Variants in SULT2B1 observed in about 807,000 individuals in gnomAD.
SULT2B1 encodes sulfotransferase 2B1.
In SULT2B1, 16 loss-of-function variants were observed where a neutral mutation model predicts 33.2. The observed-to-expected ratio is 0.48, with a 90% CI of 0.33 to 0.73. The LOEUF (loss-of-function observed/expected upper bound fraction) is 0.73. Ranked by LOEUF, SULT2B1 falls within the 30% of genes least tolerant of loss-of-function variation. SULT2B1 has a pLI of 0.02. For missense variants in SULT2B1, 500 were observed against 506.0 expected (o/e 0.99, Z 0.11); for synonymous variants, 186 against 200.5 (o/e 0.93, Z 0.61).
At chr19:48,583,883 G>C (rs1363455740) in intron 2 of SULT2B1, among the ~76,000 whole-genome samples, 4 of 152,028 alleles carry the variant, frequency 2.6e-5, no homozygotes, top group Non-Finnish European at 5.9e-5. Flanking sequence ...GGAGGCTGAG[G>C]CAGGCAGATC....
chr19:48,576,216 C>A, intron 2 of SULT2B1, 133 bp downstream of exon 2: 1 of 749,630 alleles, frequency 1.3e-6, no homozygotes, highest in Non-Finnish European at 2.1e-6. Flanking sequence ...GTGCCCCTGC[C>A]AGAAGTAGCC....
At chr19:48,555,747 G>GT (rs368424505) in intron 1 of SULT2B1, among the ~76,000 whole-genome samples, 7,181 of 149,682 alleles carry the variant, frequency 0.048, 524 homozygotes, top group African/African-American at 0.16. Context: ...GCTAATTTTT[G>GT]TTTTTTTTTG....
At chr19:48,597,167 C>T (rs1291448969) in intron 6 of SULT2B1, among the ~76,000 whole-genome samples, 6 of 152,090 alleles carry the variant, frequency 3.9e-5, no homozygotes, top group Non-Finnish European at 8.8e-5. Flanking sequence ...ACTGCCAACG[C>T]CAGGTTTACC....
rs537889992 is a variant in SULT2B1 at position 48,558,482 on chromosome 19, C to T, written c.71+6159C>T. Among the ~76,000 whole-genome samples the T allele has an allele frequency of 1.2e-3, 178 of 152,164 alleles. 1 individual carries two copies. Among genetic ancestry groups the T allele is most frequent in the Admixed American group, 0.011 (167 of 15,260 alleles). On this transcript the variant is annotated intron_variant, in intron 1 of 6. Transcript: ENST00000201586. ...GAGAGCTGCGGTGGCCGCTCCTCCC[C>T]GCGCTCTGATCTCGGGAGTCCCTGG...
chr19:48,566,382 G>C (rs77159152), intron 1 of SULT2B1, among the ~76,000 whole-genome samples: 19,920 of 151,884 alleles, frequency 0.13, 1,423 homozygotes, highest in African/African-American at 0.16. Context: ...CCGCACCCAG[G>C]CTAAAGTGTG....
intron 2 of SULT2B1, among the ~76,000 whole-genome samples, chr19:48,582,519 G>C (rs2147617919): frequency 6.6e-6 from 1 of 152,224 alleles, no homozygotes; most frequent in African/African-American, 2.4e-5. Flanking sequence ...ATTTTGATAT[G>C]TAATGGCTAC....
At position 48,572,099 on chromosome 19, in the gene SULT2B1, T is replaced by G. The variant is rs75806763; in HGVS notation, c.72-3842T>G. 7.3e-3 allele frequency among the ~76,000 whole-genome samples: 1,107 copies of G among 152,238 alleles called. 15 individuals carry two copies. Among genetic ancestry groups the G allele is most frequent in the African/African-American group, 0.025 (1,027 of 41,538 alleles). On this transcript the variant is annotated intron_variant, in intron 1 of 6. Transcript: ENST00000201586. Reference sequence around the variant, plus strand: ...GTTTCTGTACGGGTGGCTCCCCTCCTGGTGCCAGGCCCTTTCCTGGGATTG... The same window carrying G: ...GTTTCTGTACGGGTGGCTCCCCTCCGGGTGCCAGGCCCTTTCCTGGGATTG...
intron 2 of SULT2B1, among the ~76,000 whole-genome samples, chr19:48,580,061 C>T (rs1267115372): frequency 4.7e-5 from 7 of 148,538 alleles, no homozygotes; most frequent in African/African-American, 7.5e-5. Context: ...GTAGCTGGGA[C>T]GACAAGTGCA....
chr19:48,562,666 T>G (rs10404801), intron 1 of SULT2B1, among the ~76,000 whole-genome samples: 11,245 of 152,112 alleles, frequency 0.074, 1,329 homozygotes, highest in African/African-American at 0.25. Context: ...TATGCAATAT[T>G]TATATAGACT....
chr19:48,588,392 A>G (rs1973594853), intron 3 of SULT2B1, among the ~76,000 whole-genome samples: 1 of 151,482 alleles, frequency 6.6e-6, no homozygotes, highest in Non-Finnish European at 1.5e-5. Context: ...CATGCCTGTA[A>G]TCCCAGCTAC....
At chr19:48,566,373 C>T (rs959128953) in intron 1 of SULT2B1, among the ~76,000 whole-genome samples, 6 of 152,066 alleles carry the variant, frequency 3.9e-5, no homozygotes, top group Admixed American at 1.3e-4. Flanking sequence ...CACGAGCCAC[C>T]GCACCCAGGC....
chr19:48,594,175 C>T (rs1376339473), intron 5 of SULT2B1, among the ~76,000 whole-genome samples: 2 of 151,886 alleles, frequency 1.3e-5, no homozygotes, highest in African/African-American at 4.8e-5. Flanking sequence ...GCAGGAGAAT[C>T]GCTTGAACCT....
chr19:48,561,162 G>T (rs1169750587), intron 1 of SULT2B1, among the ~76,000 whole-genome samples: 1 of 151,552 alleles, frequency 6.6e-6, no homozygotes, highest in Non-Finnish European at 1.5e-5. Flanking sequence ...CGGTGTGGTG[G>T]CTCATGCCTG....
chr19:48,565,169 G>A (rs1314101724), intron 1 of SULT2B1, among the ~76,000 whole-genome samples: 2 of 151,762 alleles, frequency 1.3e-5, no homozygotes, highest in Non-Finnish European at 2.9e-5. Flanking sequence ...CAGATGACCC[G>A]CCTCCGTAGG....
In SULT2B1 at chr19:48,573,018, G is replaced by A. The variant is rs149924258; in HGVS notation, c.72-2923G>A. Among the ~76,000 whole-genome samples the A allele has an allele frequency of 3.9e-3, 587 of 152,012 alleles. 4 individuals are homozygous for A. The highest frequency in any genetic ancestry group is 0.013 in the African/African-American group (552 of 41,460). Reference sequence around the variant, plus strand: ...CTAAAAATACAAAAATCAGTTGGGCGTGACGACAGGCACCTGTAGTCCCAG... The same window carrying A: ...CTAAAAATACAAAAATCAGTTGGGCATGACGACAGGCACCTGTAGTCCCAG... On this transcript the variant is annotated intron_variant, in intron 1 of 6. Coordinates refer to ENST00000201586, the MANE Select transcript of SULT2B1 (RefSeq NM_177973.2).
chr19:48,581,752 C>A (rs754006532), intron 2 of SULT2B1, among the ~76,000 whole-genome samples: 1 of 151,386 alleles, frequency 6.6e-6, no homozygotes, highest in Non-Finnish European at 1.5e-5. Flanking sequence ...CCACCGTGCC[C>A]GGCCGAGAGT....
intron 1 of SULT2B1, among the ~76,000 whole-genome samples, chr19:48,553,404 T>C (rs1397308252): frequency 6.6e-6 from 1 of 152,084 alleles, no homozygotes; most frequent in Non-Finnish European, 1.5e-5. Context: ...GCGTCCTGGG[T>C]TCAAGTGATT....
intron 1 of SULT2B1, among the ~76,000 whole-genome samples, chr19:48,573,507 C>T (rs1230867607): frequency 6.6e-6 from 1 of 152,058 alleles, no homozygotes; most frequent in Admixed American, 6.6e-5. Context: ...AATGCAGCCA[C>T]GTAGGCATGT....
chr19:48,577,213 A>G (rs1973425705), intron 2 of SULT2B1, among the ~76,000 whole-genome samples: 1 of 147,356 alleles, frequency 6.8e-6, no homozygotes, highest in Admixed American at 6.9e-5. Context: ...TTTTTATTTT[A>G]TTTTATTTTA....
Sources: allele counts gnomAD v4.1 joint callset (sites outside exome capture counted in the v4.1 genomes callset), GRCh38; gene constraint gnomAD v4.1.1; transcripts MANE v1.5; gene names NCBI Gene and HGNC (gene_info 2026-07-23, HGNC 2026-07-21).